The following SLC25A37 variants were observed in gnomAD, a reference collection of about 807,000 sequenced individuals.
SLC25A37 encodes mitoferrin-1.
Under a neutral mutation model 31.0 loss-of-function variants are expected in SLC25A37, and 17 were observed. That is an observed-to-expected ratio of 0.55 (90% CI 0.38 to 0.82). The LOEUF (loss-of-function observed/expected upper bound fraction) is 0.82. Ranked by LOEUF, SLC25A37 falls within the 40% of genes least tolerant of loss-of-function variation. The pLI, the probability that SLC25A37 is intolerant of heterozygous loss-of-function variation, is 0.00. For missense variants in SLC25A37, 404 were observed against 465.8 expected (o/e 0.87, Z 1.22); for synonymous variants, 222 against 193.0 (o/e 1.15, Z -1.24).
intron 1 of SLC25A37, among the ~76,000 whole-genome samples, chr8:23,536,341 C>T (rs1801767874): frequency 1.3e-5 from 2 of 152,160 alleles, no homozygotes; most frequent in Non-Finnish European, 2.9e-5. Context: ...GTCTCTACTT[C>T]CTCACTGCCA....
chr8:23,552,134 A>T (rs1056103111), intron 1 of SLC25A37, among the ~76,000 whole-genome samples: 29 of 152,210 alleles, frequency 1.9e-4, no homozygotes, highest in Admixed American at 7.2e-4. Flanking sequence ...AGATTAAGCT[A>T]GTTCTGTGGT....
At chr8:23,559,083 A>G (rs997896701) in intron 1 of SLC25A37, among the ~76,000 whole-genome samples, 1 of 152,234 alleles carries the variant, frequency 6.6e-6, no homozygotes, top group African/African-American at 2.4e-5. Flanking sequence ...TGGTTATTAA[A>G]TGAGACAAGG....
intron 1 of SLC25A37, among the ~76,000 whole-genome samples, chr8:23,553,265 C>T (rs1415732689): frequency 1.3e-5 from 2 of 151,894 alleles, no homozygotes; most frequent in Admixed American, 6.6e-5. Flanking sequence ...TACCAAAAAA[C>T]ACAAAAATTA....
In SLC25A37 at chr8:23,568,378, G is replaced by A. The variant is rs1802724708; in HGVS notation, c.496G>A (p.Val166Met). 1 of 1,613,934 alleles carries A rather than the reference G, an allele frequency of 6.2e-7. No individual in the cohort carries two copies. The highest frequency in any genetic ancestry group is 1.3e-5 in the African/African-American group (1 of 75,028). The change falls in exon 3 of 4, where the codon GTG becomes ATG. Residue 166 changes from valine (V) to methionine (M), a missense_variant and splice_region_variant. Coordinates refer to ENST00000519973, the MANE Select transcript of SLC25A37 (RefSeq NM_016612.4). ...LHDAVMNPAE[V>M]VKQRLQMYNS... ...CGATGCGGTAATGAATCCAGCAGAA[G>A]GTAATGTTTCATGGTCCCAGGGAGG... is the stretch of plus-strand genomic sequence containing the variant.
At chr8:23,547,953 G>A (rs1267516033) in intron 1 of SLC25A37, among the ~76,000 whole-genome samples, 2 of 152,128 alleles carry the variant, frequency 1.3e-5, no homozygotes, top group African/African-American at 4.8e-5. Context: ...TCACTACCAG[G>A]AAGCTGAGTC....
chr8:23,529,100 C>G lies in SLC25A37; in HGVS notation c.98C>G (p.Ser33Trp). The G allele has an allele frequency of 7.5e-6, 12 of 1,608,106 alleles. No homozygotes were observed. Among genetic ancestry groups the G allele is most frequent in the Non-Finnish European group, 1.0e-5 (12 of 1,177,964 alleles). ...GGCGGCGGCAAGGACGCCACCGGGT[C>G]GGAGGACTACGAGAACCTGCCGACT... is the stretch of plus-strand genomic sequence containing the variant. The part of the protein sequence containing the change: ...DGGGGKDATG[S>W]EDYENLPTSA... Residue 33 changes from serine to tryptophan, a missense_variant, in exon 1 of 4, where the codon TCG (serine) becomes TGG (tryptophan). Physicochemically the swap from Ser to Trp is radical, Grantham distance 177 (BLOSUM62 -3). Around this residue, in one of 3 missense-constraint regions of SLC25A37, gnomAD observed 154 missense variants for 153.6 expected, o/e 1.00. Coordinates refer to ENST00000519973, the MANE Select transcript of SLC25A37 (RefSeq NM_016612.4). This position sits in a 1 kb window ranked among gnomAD's most constrained non-coding sequence, Gnocchi z 4.1.
At chr8:23,543,133 A>G (rs1163764029) in intron 1 of SLC25A37, 1 of 151,610 alleles carries the variant, frequency 6.6e-6, no homozygotes, top group African/African-American at 2.4e-5. Context: ...CAGTGTTGAG[A>G]TCATAGTTTA....
chr8:23,549,096 G>A lies in SLC25A37; in HGVS notation c.211-17012G>A, dbSNP rs1802152098. ...GAATTTTTTATCGATAGGATTTTTAGTACTCTCTCTCTCCTCTACTAGACT... is the reference window on the plus strand; with the variant it reads ...GAATTTTTTATCGATAGGATTTTTAATACTCTCTCTCTCCTCTACTAGACT... On this transcript the variant is annotated intron_variant, in intron 1 of 3. Transcript: ENST00000519973. 2.0e-5 allele frequency among the ~76,000 whole-genome samples: 3 copies of A among 152,082 alleles called. No homozygotes were observed. In the South Asian group the frequency reaches 6.2e-4, roughly 32 times the overall value.
At chr8:23,551,061 C>T (rs991643345) in intron 1 of SLC25A37, among the ~76,000 whole-genome samples, 1 of 152,190 alleles carries the variant, frequency 6.6e-6, no homozygotes, top group Non-Finnish European at 1.5e-5. Flanking sequence ...GGAATCTTGG[C>T]CCTCAAGGTC....
At chr8:23,568,635 G>T (rs967591158) in intron 3 of SLC25A37, 11 of 496,792 alleles carry the variant, frequency 2.2e-5, no homozygotes, top group African/African-American at 1.9e-4. Flanking sequence ...ACATCTTGAG[G>T]GGTGTTGGAA....
At chr8:23,562,246 C>G (rs1052480101) in intron 1 of SLC25A37, among the ~76,000 whole-genome samples, 6 of 152,234 alleles carry the variant, frequency 3.9e-5, no homozygotes, top group African/African-American at 1.4e-4. Context: ...CCATGTTAGG[C>G]CCCCTGGGAC....
chr8:23,545,535 G>C (rs2314684), intron 1 of SLC25A37, among the ~76,000 whole-genome samples: 1 of 152,056 alleles, frequency 6.6e-6, no homozygotes, highest in Non-Finnish European at 1.5e-5. Context: ...CAGACCTGCT[G>C]TCCTCTCTAT....
In SLC25A37 at chr8:23,572,918, G is replaced by A. The variant is rs1802900620; in HGVS notation, c.*1063G>A. ...TGATAGGCAGCATTTGGCGACTTGT[G>A]GGGCAGGTGTTTGGGATAAATCCTA... is the stretch of plus-strand genomic sequence containing the variant. On this transcript the variant is annotated 3_prime_UTR_variant, in exon 4 of 4. Transcript: ENST00000519973. 2.0e-5 allele frequency: 3 copies of A among 152,186 alleles called. No individual in the cohort carries two copies. The highest frequency in any genetic ancestry group is 2.0e-4 in the Admixed American group (3 of 15,282). The allele number at this position is 152,186 out of a possible 1,614,324, so 9.4% of individuals were successfully genotyped here. A position where few individuals can be genotyped will look rare whatever the true frequency, so the allele number is the denominator to read the frequency against.
At chr8:23,532,042 T>C (rs1801672078) in intron 1 of SLC25A37, 1 of 152,240 alleles carries the variant, frequency 6.6e-6, no homozygotes, top group Admixed American at 6.5e-5. Context: ...GTGTACAATG[T>C]ACTTCTGGCT....
intron 1 of SLC25A37, among the ~76,000 whole-genome samples, chr8:23,540,549 G>A (rs754274456): frequency 2.0e-5 from 3 of 152,176 alleles, no homozygotes; most frequent in Non-Finnish European, 4.4e-5. Flanking sequence ...ATGACATATG[G>A]TTATTGCCAC....
chr8:23,546,953 C>A (rs1161289891), intron 1 of SLC25A37, among the ~76,000 whole-genome samples: 1 of 152,084 alleles, frequency 6.6e-6, no homozygotes, highest in East Asian at 1.9e-4. Context: ...GGAATTAGCA[C>A]TGCTCCCCCC....
chr8:23,546,561 T>C (rs1398023706), intron 1 of SLC25A37, among the ~76,000 whole-genome samples: 2 of 94,924 alleles, frequency 2.1e-5, no homozygotes, highest in Admixed American at 2.4e-4. Flanking sequence ...ATAGTGTATA[T>C]ATATATATAT....
intron 1 of SLC25A37, among the ~76,000 whole-genome samples, chr8:23,565,290 G>C (rs565456229): frequency 5.6e-4 from 85 of 152,188 alleles, no homozygotes; most frequent in African/African-American, 2.0e-3. Context: ...CATCCAGGCT[G>C]ACCCATAAAA....
Position 23,566,162 on chromosome 8 carries a change from G to C in SLC25A37, c.265G>C (p.Gly89Arg), listed in dbSNP as rs746692529. 5.6e-6 allele frequency: 9 copies of C among 1,604,748 alleles called. No homozygotes were observed. The highest frequency in any genetic ancestry group is 7.6e-6 in the Non-Finnish European group (9 of 1,177,028). Reference protein sequence around the residue: ...DPKAQYTSIYGALKKIMRTEG... With the variant: ...DPKAQYTSIYRALKKIMRTEG... ...CAAAGCCCAGTACACAAGTATCTAC[G>C]GAGCCCTCAAGAAAATCATGCGGAC... Residue 89 changes from glycine to arginine, a missense_variant, in exon 2 of 4, where the codon GGA (glycine) becomes CGA (arginine). Gly to Arg is a moderately radical substitution (Grantham distance 125). This residue lies in a region of SLC25A37 where 154 missense variants were observed against 153.6 expected (regional missense o/e 1.00). Coordinates refer to ENST00000519973, the MANE Select transcript of SLC25A37 (RefSeq NM_016612.4).
Sources: gnomAD v4.1 joint callset for allele counts (sites outside exome capture counted in the v4.1 genomes callset) on GRCh38, gnomAD v4.1.1 for gene constraint, gnomAD v4.1.1 regional missense constraint, Gnocchi (gnomAD v3.1) non-coding constraint, MANE v1.5 for transcripts, NCBI Gene and HGNC (gene_info 2026-07-23, HGNC 2026-07-21) for gene names.